The following TPTE variants were observed in gnomAD, a reference collection of about 807,000 sequenced individuals.
The protein encoded by TPTE is transmembrane phosphatase with tensin homology.
A neutral mutation model predicts 84.1 loss-of-function variants in TPTE; 59 were observed. That is an observed-to-expected ratio of 0.70 (90% CI 0.57 to 0.87). The LOEUF (loss-of-function observed/expected upper bound fraction) is 0.87. Among genes scored for constraint, TPTE ranks in the 40% least tolerant of loss-of-function variants. TPTE has a pLI of 0.00. For synonymous variants in TPTE, 130 were observed against 223.5 expected (o/e 0.58, Z 3.73); for missense variants, 382 against 659.6 (o/e 0.58, Z 4.61).
At chr21:10,553,705 G>A (rs1437380350) in intron 8 of TPTE, among the ~76,000 whole-genome samples, 1 of 152,230 alleles carries the variant, frequency 6.6e-6, no homozygotes, top group Non-Finnish European at 1.5e-5. Context: ...TTCATAACAG[G>A]GGGATGATAT....
intron 14 of TPTE, among the ~76,000 whole-genome samples, chr21:10,574,715 G>A (rs1404744568): frequency 1.3e-5 from 2 of 152,310 alleles, no homozygotes; most frequent in Non-Finnish European, 2.9e-5. Context: ...CCCACTCCCA[G>A]CCAAGGGAAG....
chr21:10,544,721 C>T (rs2074434188), intron 7 of TPTE, among the ~76,000 whole-genome samples: 1 of 152,304 alleles, frequency 6.6e-6, no homozygotes, highest in African/African-American at 2.4e-5. Flanking sequence ...TTAACCCTAT[C>T]TGAGGGGCAG....
chr21:10,602,353 T>TA (rs1214482425), intron 22 of TPTE, among the ~76,000 whole-genome samples: 1 of 152,308 alleles, frequency 6.6e-6, no homozygotes, highest in Non-Finnish European at 1.5e-5. Context: ...GTAAATTTTC[T>TA]AAATTTTTCT....
intron 7 of TPTE, among the ~76,000 whole-genome samples, chr21:10,550,632 C>A (rs576289566): frequency 6.6e-6 from 1 of 152,306 alleles, no homozygotes; most frequent in African/African-American, 2.4e-5. Context: ...GGGAGATAGA[C>A]CCCATTACAA....
chr21:10,529,714 A>G lies in TPTE; in HGVS notation c.-44+2302A>G, dbSNP rs1168360682. Among the ~76,000 whole-genome samples the G allele has an allele frequency of 9.8e-5, 15 of 152,428 alleles. No homozygotes were observed. The Middle Eastern group carries it at 0.01, about 104-fold the overall frequency. ...CATATCTCTATTGTGGTTGAGAGGT[A>G]TTGCCAGATTTATTCGCTGACAAGT... On this transcript the variant is annotated intron_variant, in intron 3 of 23. Coordinates refer to ENST00000618007, the MANE Select transcript of TPTE (RefSeq NM_199261.4).
intron 23 of TPTE, among the ~76,000 whole-genome samples, chr21:10,605,034 G>A (rs1243158316): frequency 6.6e-6 from 1 of 152,312 alleles, no homozygotes; most frequent in Admixed American, 6.5e-5. Context: ...AGGTCTGATT[G>A]TAAAAATTCA....
chr21:10,592,979 C>G (rs1403411821), intron 19 of TPTE, among the ~76,000 whole-genome samples: 1 of 152,264 alleles, frequency 6.6e-6, no homozygotes, highest in African/African-American at 2.4e-5. Context: ...GAAATATACA[C>G]TGTTACTCTG....
intron 9 of TPTE, among the ~76,000 whole-genome samples, 186 bp from the exon 10 acceptor site, chr21:10,560,844 A>G (rs1372461028): frequency 6.6e-6 from 1 of 152,308 alleles, no homozygotes; most frequent in Non-Finnish European, 1.5e-5. Context: ...AACTGCTTCT[A>G]TTGGGTGAAA....
intron 10 of TPTE, among the ~76,000 whole-genome samples, chr21:10,565,621 A>G (rs1020629407): frequency 6.6e-6 from 1 of 152,310 alleles, no homozygotes; most frequent in African/African-American, 2.4e-5. Flanking sequence ...ACAGAACTAT[A>G]TAACCAAAAC....
At chr21:10,538,398 A>G (rs1054686740) in intron 3 of TPTE, among the ~76,000 whole-genome samples, 1 of 152,304 alleles carries the variant, frequency 6.6e-6, no homozygotes, top group Non-Finnish European at 1.5e-5. Context: ...GTTTGAAATA[A>G]CTGCCACCAC....
chr21:10,578,796 G>T (rs2075216035), intron 17 of TPTE, among the ~76,000 whole-genome samples, 191 bp downstream of exon 17: 1 of 152,308 alleles, frequency 6.6e-6, no homozygotes, highest in Non-Finnish European at 1.5e-5. Flanking sequence ...ATAGGGAGAG[G>T]ATAAGGAAGG....
At chr21:10,537,774 A>G (rs563076866) in intron 3 of TPTE, among the ~76,000 whole-genome samples, 1 of 152,306 alleles carries the variant, frequency 6.6e-6, no homozygotes, top group Non-Finnish European at 1.5e-5. Context: ...ATTTATATAT[A>G]CCTATATGCA....
chr21:10,523,888 G>T (rs1454158404), intron 1 of TPTE, among the ~76,000 whole-genome samples: 1 of 152,310 alleles, frequency 6.6e-6, no homozygotes, highest in East Asian at 1.9e-4. Flanking sequence ...CTTCCACCAT[G>T]GTTGAACTAG....
intron 8 of TPTE, among the ~76,000 whole-genome samples, chr21:10,558,055 C>A (rs545184417): frequency 6.6e-6 from 1 of 152,308 alleles, no homozygotes; most frequent in South Asian, 2.1e-4. Context: ...GCCTCCGGCT[C>A]CATTGATGTT....
chr21:10,592,971 A>AATAT (rs1380930781), intron 19 of TPTE, among the ~76,000 whole-genome samples: 1 of 152,302 alleles, frequency 6.6e-6, no homozygotes, highest in Non-Finnish European at 1.5e-5. Flanking sequence ...ACCTGTATGA[A>AATAT]ATATACACTG....
chr21:10,597,886 A>G (rs1396547971), intron 20 of TPTE, 129 bp from the exon 21 acceptor site: 126 of 1,287,596 alleles, frequency 9.8e-5, no homozygotes, highest in Non-Finnish European at 1.3e-4. Flanking sequence ...GCAAGACCAA[A>G]TAAGTGACTA....
At chr21:10,528,491 T>A (rs1454381449) in intron 3 of TPTE, among the ~76,000 whole-genome samples, 1 of 152,312 alleles carries the variant, frequency 6.6e-6, no homozygotes, top group Non-Finnish European at 1.5e-5. Context: ...GGAATTTTGT[T>A]GTTCAAATAA....
chr21:10,527,034 C>T (rs1260351587), intron 2 of TPTE, among the ~76,000 whole-genome samples: 1 of 152,310 alleles, frequency 6.6e-6, no homozygotes, highest in Non-Finnish European at 1.5e-5. Flanking sequence ...TAAGGCTTGA[C>T]TTATCTACTT....
intron 5 of TPTE, among the ~76,000 whole-genome samples, chr21:10,541,449 G>A (rs2074367837): frequency 6.6e-6 from 1 of 152,274 alleles, no homozygotes; most frequent in East Asian, 1.9e-4. Context: ...TTCCACCCTG[G>A]GCAGCAGGAG....
Sources: gnomAD v4.1 joint callset for allele counts (sites outside exome capture counted in the v4.1 genomes callset) on GRCh38, gnomAD v4.1.1 for gene constraint, MANE v1.5 for transcripts, NCBI Gene and HGNC (gene_info 2026-07-23, HGNC 2026-07-21) for gene names.